The following BCR variants were observed in gnomAD, a reference collection of about 807,000 sequenced individuals.
BCR encodes breakpoint cluster region protein.
A neutral mutation model predicts 138.6 loss-of-function variants in BCR; 58 were observed. The ratio of observed to expected loss-of-function variants is 0.42; its 90% CI spans 0.34 to 0.52. The LOEUF (loss-of-function observed/expected upper bound fraction) is 0.52, where lower values mean the gene tolerates loss of function less well. BCR is among the 20% of genes least tolerant of loss of function. The pLI, the probability that BCR is intolerant of heterozygous loss-of-function variation, is 0.06. For missense variants in BCR, 1,599 were observed against 1,727.2 expected, an observed-to-expected ratio of 0.93 and a Z score of 1.32; for synonymous variants, 786 against 730.1, an observed-to-expected ratio of 1.08 and a Z score of -1.23.
intron 1 of BCR, among the ~76,000 whole-genome samples, chr22:23,229,002 A>G (rs897917246): frequency 3.3e-5 from 5 of 151,814 alleles, no homozygotes; most frequent in Admixed American, 6.6e-5. Flanking sequence ...TTAGACATCA[A>G]CATCTTTTGA....
At chr22:23,228,547 C>A (rs1336469771) in intron 1 of BCR, among the ~76,000 whole-genome samples, 2 of 152,170 alleles carry the variant, frequency 1.3e-5, no homozygotes, top group African/African-American at 4.8e-5. Context: ...TTAAAAGAGG[C>A]CTTATAGGGC....
chr22:23,219,184 C>T (rs76359195), intron 1 of BCR, among the ~76,000 whole-genome samples: 1,737 of 152,280 alleles, frequency 0.011, 33 homozygotes, highest in African/African-American at 0.04. Flanking sequence ...GCCCTTAAGC[C>T]GACAGATGGC....
At chr22:23,232,665 C>T (rs1370811273) in intron 1 of BCR, among the ~76,000 whole-genome samples, 1 of 152,220 alleles carries the variant, frequency 6.6e-6, no homozygotes, top group Non-Finnish European at 1.5e-5. Context: ...GCTTCTGTGG[C>T]TTATCAGCGA....
At chr22:23,227,351 T>A (rs745632976) in intron 1 of BCR, among the ~76,000 whole-genome samples, 1 of 152,156 alleles carries the variant, frequency 6.6e-6, no homozygotes, top group Non-Finnish European at 1.5e-5. Context: ...CAAAGATATA[T>A]CTTTTGTGTG....
intron 1 of BCR, among the ~76,000 whole-genome samples, chr22:23,212,825 A>C (rs2072702442): frequency 6.6e-6 from 1 of 152,230 alleles, no homozygotes; most frequent in South Asian, 2.1e-4. Context: ...TCTGGGCAAG[A>C]GATGTGGCAG....
intron 8 of BCR, among the ~76,000 whole-genome samples, chr22:23,281,097 T>C (rs7288846): frequency 0.31 from 47,669 of 152,150 alleles, 8,482 homozygotes; most frequent in African/African-American, 0.47. Flanking sequence ...TGAACACACC[T>C]GGAAACATGG....
rs554405466 is a variant in BCR at position 23,189,557 on chromosome 22, A to G, written c.1279+7318A>G. 2.6e-5 allele frequency among the ~76,000 whole-genome samples: 4 copies of G among 151,878 alleles called. No individual in the cohort carries two copies. The South Asian group carries it at 6.2e-4, about 24-fold the overall frequency. Reference sequence around the variant, plus strand: ...CTTATTTTGCCCAGGCTGGAGTGCAATGGCACGATCTCGGCTCACTGCAAC... The same window carrying G: ...CTTATTTTGCCCAGGCTGGAGTGCAGTGGCACGATCTCGGCTCACTGCAAC... On this transcript the variant is annotated intron_variant, in intron 1 of 22. Coordinates refer to ENST00000305877, the MANE Select transcript of BCR (RefSeq NM_004327.4).
intron 5 of BCR, among the ~76,000 whole-genome samples, chr22:23,269,186 C>G (rs2073480505): frequency 2.0e-5 from 3 of 152,350 alleles, no homozygotes; most frequent in Middle Eastern, 3.4e-3. Context: ...GGTGGCCCAG[C>G]CAGAACCAGA....
At chr22:23,267,396 C>T in intron 4 of BCR, among the ~76,000 whole-genome samples, 1 of 152,182 alleles carries the variant, frequency 6.6e-6, no homozygotes, top group African/African-American at 2.4e-5. Flanking sequence ...TCTTGCAGCC[C>T]TTGTAGGGAG....
chr22:23,275,447 G>C (rs1347163425), intron 8 of BCR, among the ~76,000 whole-genome samples: 1 of 152,232 alleles, frequency 6.6e-6, no homozygotes, highest in Non-Finnish European at 1.5e-5. Context: ...CGCCATCCGT[G>C]TTGGCTCCTT....
At chr22:23,259,089 A>AGGCGGGAGTGGCCAGGAAGTC (rs2073328486) in intron 2 of BCR, among the ~76,000 whole-genome samples, 1 of 152,258 alleles carries the variant, frequency 6.6e-6, no homozygotes, top group Non-Finnish European at 1.5e-5. Context: ...GCCAGGGAGT[A>AGGCGGGAGTGGCCAGGAAGTC]GGCGGGAGTG....
chr22:23,231,506 CATAAAATAAA>C (rs57803042), intron 1 of BCR, among the ~76,000 whole-genome samples: 2,125 of 128,846 alleles, frequency 0.016, 40 homozygotes, highest in Admixed American at 0.054. Flanking sequence ...GACCCCGTCT[CATAAAATAAA>C]ATAAAATAAA....
At chr22:23,290,238 C>T (rs1002956005) in intron 13 of BCR, 101 bp from the exon 14 acceptor site, 2 of 1,198,990 alleles carry the variant, frequency 1.7e-6, no homozygotes, top group African/African-American at 3.0e-5. Context: ...ATGGCAGCCA[C>T]ACAGTGTCCA....
rs541749872 is a variant in BCR, at chr22:23,240,299, G to C, written c.1280-13500G>C. Among the ~76,000 whole-genome samples the C allele has an allele frequency of 3.7e-5, 5 of 135,286 alleles. No individual in the cohort carries two copies. The East Asian group carries it at 1.1e-3, about 29-fold the overall frequency. 88.8% of individuals were successfully genotyped at this position (135,286 alleles called of 152,430 possible). ...TTGTTTTAAATTTCAGAGCCTGGCTGATCGTGTGTGTGTGTGTGTGTGTGT... is the reference window on the plus strand; with the variant it reads ...TTGTTTTAAATTTCAGAGCCTGGCTCATCGTGTGTGTGTGTGTGTGTGTGT... On this transcript the variant is annotated intron_variant, in intron 1 of 22. Coordinates refer to ENST00000305877, the MANE Select transcript of BCR (RefSeq NM_004327.4).
rs201428550 is a variant in BCR at position 23,254,576 on chromosome 22, C to T, written c.1461+596C>T. ...AGAAAGCAGTGGACCCACGCCCCCC[C>T]TCACATGAGAACGTAGCCCGGGCTG... is the stretch of plus-strand genomic sequence containing the variant. On this transcript the variant is annotated intron_variant, in intron 2 of 22. Coordinates refer to ENST00000305877, the MANE Select transcript of BCR (RefSeq NM_004327.4). The T allele has an allele frequency of 1.9e-5, 10 of 518,970 alleles. No individual in the cohort carries two copies. In the East Asian group the frequency reaches 4.9e-4, roughly 25 times the overall value. The allele number at this position is 518,970 out of a possible 1,614,324, so 32.1% of individuals were successfully genotyped here.
intron 1 of BCR, among the ~76,000 whole-genome samples, chr22:23,245,937 C>T (rs1279350697): frequency 6.6e-6 from 1 of 152,186 alleles, no homozygotes; most frequent in African/African-American, 2.4e-5. Flanking sequence ...GAAACATTTT[C>T]GTCACCCCAG....
At chr22:23,280,115 C>A (rs2073626506) in intron 8 of BCR, among the ~76,000 whole-genome samples, 1 of 152,238 alleles carries the variant, frequency 6.6e-6, no homozygotes, top group Non-Finnish European at 1.5e-5. Flanking sequence ...CAGATACCAG[C>A]CCATTGGAGT....
At chr22:23,259,517 A>ATT (rs1245128304) in intron 2 of BCR, among the ~76,000 whole-genome samples, 10 of 141,222 alleles carry the variant, frequency 7.1e-5, no homozygotes, top group Admixed American at 1.4e-4. Flanking sequence ...CAAAAAAAAA[A>ATT]TTTTTTTTTT....
At chr22:23,207,399 G>A (rs929641710) in intron 1 of BCR, among the ~76,000 whole-genome samples, 1 of 152,142 alleles carries the variant, frequency 6.6e-6, no homozygotes, top group Admixed American at 6.5e-5. Context: ...TGAGTTGGGA[G>A]GGTCGCTTGA....
Sources: gnomAD v4.1 joint callset for allele counts (sites outside exome capture counted in the v4.1 genomes callset) on GRCh38, gnomAD v4.1.1 for gene constraint, MANE v1.5 for transcripts, NCBI Gene and HGNC (gene_info 2026-07-23, HGNC 2026-07-21) for gene names.